Variants in ADRA1B observed in about 807,000 individuals in gnomAD.
The protein encoded by ADRA1B is adrenoceptor alpha 1B.
ADRA1B carries 17 observed loss-of-function variants against 17.9 expected under a neutral mutation model. That is an observed-to-expected ratio of 0.95 (90% CI 0.65 to 1.42). The LOEUF (loss-of-function observed/expected upper bound fraction) is 1.42, where lower values mean the gene tolerates loss of function less well. Ranked by LOEUF, ADRA1B falls within the 40% of genes most tolerant of loss-of-function variation. The probability of loss-of-function intolerance (pLI) is 0.00; values close to 1 mark genes in which losing one functional copy is unlikely to be tolerated. For synonymous variants in ADRA1B, 366 were observed against 327.6 expected (o/e 1.12, Z -1.27); for missense variants, 681 against 722.1 (o/e 0.94, Z 0.65).
chr5:159,961,288 T>C (rs578191419), intron 1 of ADRA1B, among the ~76,000 whole-genome samples: 4 of 152,326 alleles, frequency 2.6e-5, no homozygotes, highest in African/African-American at 9.6e-5. Context: ...AGAATTACAA[T>C]AGAGAATGTT....
chr5:159,924,185 T>C (rs1201674204), intron 1 of ADRA1B, among the ~76,000 whole-genome samples: 2 of 152,278 alleles, frequency 1.3e-5, no homozygotes, highest in African/African-American at 2.4e-5. Flanking sequence ...ATGTAAATGA[T>C]TCTTTTTCTT....
intron 1 of ADRA1B, among the ~76,000 whole-genome samples, chr5:159,902,158 C>T (rs745597485): frequency 7.9e-5 from 12 of 152,086 alleles, no homozygotes; most frequent in Non-Finnish European, 1.3e-4. Context: ...GAATATTAGC[C>T]TTAAAAAGGA....
Position 159,971,750 on chromosome 5 carries a change from C to T in ADRA1B, c.950-129C>T, listed in dbSNP as rs1296722023. On this transcript the variant is annotated intron_variant, in intron 1 of 1. Transcript: ENST00000306675. ...GAAGTATTCCGGGCAGAGGAACCGG[C>T]TCGGGGAAAGGCCTGGCGGCAGGAA... is the stretch of plus-strand genomic sequence containing the variant. 5.0e-6 allele frequency: 5 copies of T among 1,006,392 alleles called. No individual in the cohort carries two copies. The East Asian group carries it at 1.5e-4, about 30-fold the overall frequency. The allele number at this position is 1,006,392 out of a possible 1,614,324, so 62.3% of individuals were successfully genotyped here.
At chr5:159,948,181 G>T (rs1053661222) in intron 1 of ADRA1B, 13 of 985,332 alleles carry the variant, frequency 1.3e-5, no homozygotes, top group Non-Finnish European at 1.4e-5. Context: ...CTGGAGGCAT[G>T]TTCTCTAAGT....
intron 1 of ADRA1B, among the ~76,000 whole-genome samples, chr5:159,947,161 C>T (rs1755296422): frequency 6.6e-6 from 1 of 151,962 alleles, no homozygotes; most frequent in Non-Finnish European, 1.5e-5. Context: ...GCCAACATGG[C>T]GAAACCCTAT....
At chr5:159,903,182 C>T (rs553617096) in intron 1 of ADRA1B, among the ~76,000 whole-genome samples, 37 of 152,212 alleles carry the variant, frequency 2.4e-4, no homozygotes, top group African/African-American at 8.9e-4. Context: ...GGCAAGAGGC[C>T]CTGAAAAGCA....
rs552142586 is a variant in ADRA1B at position 159,916,749 on chromosome 5, G to T, written c.-157G>T. On this transcript the variant is annotated 5_prime_UTR_variant, in exon 1 of 2. Coordinates refer to ENST00000306675, the MANE Select transcript of ADRA1B (RefSeq NM_000679.4). ...ACTCGGTGCAGGCAGGAGACGTGCT[G>T]CCGGGCTGGGCTGCCCGGGGGAGAT... 7.4e-6 allele frequency: 5 copies of T among 672,206 alleles called. No homozygotes were observed. The South Asian group carries it at 7.8e-5, about 10-fold the overall frequency. 41.6% of individuals were successfully genotyped at this position (672,206 alleles called of 1,614,324 possible).
intron 1 of ADRA1B, among the ~76,000 whole-genome samples, chr5:159,938,371 C>T (rs985890408): frequency 1.3e-5 from 2 of 152,240 alleles, no homozygotes. Context: ...AGTCTTCCAA[C>T]CATGGAGTGA....
chr5:159,925,119 T>C (rs1017861309), intron 1 of ADRA1B, among the ~76,000 whole-genome samples: 1 of 152,096 alleles, frequency 6.6e-6, no homozygotes, highest in Non-Finnish European at 1.5e-5. Flanking sequence ...GTCAGATGGG[T>C]TCATCATTGG....
intron 1 of ADRA1B, among the ~76,000 whole-genome samples, chr5:159,896,714 G>A (rs897909619): frequency 2.6e-5 from 4 of 152,102 alleles, no homozygotes; most frequent in Admixed American, 6.5e-5. Flanking sequence ...CTCATCAGCC[G>A]CGCTCCACTG....
intron 1 of ADRA1B, among the ~76,000 whole-genome samples, chr5:159,940,222 G>T (rs979407476): frequency 2.0e-5 from 3 of 152,146 alleles, no homozygotes; most frequent in African/African-American, 7.2e-5. Flanking sequence ...TCTTCTTCTA[G>T]ACTTATCTGT....
intron 1 of ADRA1B, among the ~76,000 whole-genome samples, chr5:159,929,580 T>C (rs973962671): frequency 1.3e-5 from 2 of 152,144 alleles, no homozygotes; most frequent in Non-Finnish European, 2.9e-5. Context: ...TTCTATACTT[T>C]TTTTCTTTAC....
upstream of ADRA1B, among the ~76,000 whole-genome samples, chr5:159,915,304 G>A (rs1254261920): frequency 6.6e-6 from 1 of 152,114 alleles, no homozygotes; most frequent in Admixed American, 6.6e-5. Context: ...ATAATTTGGT[G>A]TCTCATCCAT....
chr5:159,926,046 C>T (rs1326421195), intron 1 of ADRA1B, among the ~76,000 whole-genome samples: 1 of 152,212 alleles, frequency 6.6e-6, no homozygotes, highest in Non-Finnish European at 1.5e-5. Context: ...CTCTGCCGAA[C>T]ATGGGTGCTC....
At position 159,972,191 on chromosome 5, in the gene ADRA1B, T is replaced by G; in HGVS notation, c.1262T>G (p.Leu421Arg). Residue 421 changes from leucine to arginine, a missense_variant, in exon 2 of 2, where the codon CTG becomes CGG. Physicochemically the swap from Leu to Arg is moderately radical, Grantham distance 102. This residue lies in a region of ADRA1B where 251 missense variants were observed against 224.9 expected (regional missense o/e 1.12). Transcript: ENST00000306675. ...TGCCTGAGCGGCAGCCAGCGGACCC[T>G]GCCCTCGGCCTCGCCGAGCCCGGGC... The part of the protein sequence containing the change: ...GSCLSGSQRT[L>R]PSASPSPGYL... 1 of 1,350,044 alleles carries G rather than the reference T, an allele frequency of 7.4e-7. No homozygotes were observed. Among genetic ancestry groups the G allele is most frequent in the Non-Finnish European group, 9.6e-7 (1 of 1,044,730 alleles). The allele number at this position is 1,350,044 out of a possible 1,614,324, so 83.6% of individuals were successfully genotyped here.
At chr5:159,868,146 C>T (rs953684638) in intron 1 of ADRA1B, 2 of 152,104 alleles carry the variant, frequency 1.3e-5, no homozygotes, top group Non-Finnish European at 2.9e-5. Context: ...CACATAGGGT[C>T]ATTGCAAAGA....
chr5:159,971,840 C>A, intron 1 of ADRA1B, 39 bp from the exon 2 acceptor site: 1 of 1,308,490 alleles, frequency 7.6e-7, no homozygotes, highest in Non-Finnish European at 9.8e-7. Flanking sequence ...TCACAAATTG[C>A]TGTCTTTCTG....
chr5:159,972,037 C>G lies in ADRA1B; in HGVS notation c.1108C>G (p.Arg370Gly), dbSNP rs1419677254. The G allele has an allele frequency of 1.2e-5, 16 of 1,383,992 alleles. No homozygotes were observed. Among genetic ancestry groups the G allele is most frequent in the Non-Finnish European group, 1.4e-5 (15 of 1,068,512 alleles). The allele number at this position is 1,383,992 out of a possible 1,614,324, so 85.7% of individuals were successfully genotyped here. ...VRILGCQCRG[R>G]GRRRRRRRRR... ...CATCCTCGGGTGCCAGTGCCGCGGC[C>G]GCGGCCGCCGCCGACGCCGCCGCCG... Residue 370 changes from arginine to glycine, a missense_variant, in exon 2 of 2, where the codon CGC becomes GGC. Around this residue, in one of 3 missense-constraint regions of ADRA1B, gnomAD observed 424 missense variants for 480.2 expected, o/e 0.88. Coordinates refer to ENST00000306675, the MANE Select transcript of ADRA1B (RefSeq NM_000679.4).
chr5:159,954,736 A>G (rs1177516937), intron 1 of ADRA1B, among the ~76,000 whole-genome samples: 1 of 152,106 alleles, frequency 6.6e-6, no homozygotes, highest in Non-Finnish European at 1.5e-5. Context: ...ATCTCACCTA[A>G]CTTTCAAGGA....
Sources: gnomAD v4.1 joint callset for allele counts (sites outside exome capture counted in the v4.1 genomes callset) on GRCh38, gnomAD v4.1.1 for gene constraint, gnomAD v4.1.1 regional missense constraint, MANE v1.5 for transcripts, NCBI Gene and HGNC (gene_info 2026-07-23, HGNC 2026-07-21) for gene names.